The following MAP3K12 variants were observed in gnomAD, a reference collection of about 807,000 sequenced individuals.
MAP3K12 encodes mitogen-activated protein kinase kinase kinase 12.
In MAP3K12, 14 loss-of-function variants were observed where a neutral mutation model predicts 87.5. That is an observed-to-expected ratio of 0.16 (90% CI 0.11 to 0.25). The LOEUF (loss-of-function observed/expected upper bound fraction) is 0.25. Among genes scored for constraint, MAP3K12 ranks in the 10% least tolerant of loss-of-function variants. The pLI, the probability that MAP3K12 is intolerant of heterozygous loss-of-function variation, is 1.00. For synonymous variants in MAP3K12, 469 were observed against 452.5 expected (o/e 1.04, Z -0.46); for missense variants, 802 against 1,140.4 (o/e 0.70, Z 4.27).
At chr12:53,496,655 T>C (rs1454596534) in intron 1 of MAP3K12, among the ~76,000 whole-genome samples, 2 of 152,226 alleles carry the variant, frequency 1.3e-5, no homozygotes, top group Non-Finnish European at 2.9e-5. Context: ...AGTTTCTAGG[T>C]AGGTGGAATT....
chr12:53,500,439 C>T (rs1398570387), upstream of MAP3K12: 1 of 152,320 alleles, frequency 6.6e-6, no homozygotes, highest in Non-Finnish European at 1.5e-5. Flanking sequence ...TCCCACATTA[C>T]AGCCTGATTA....
At chr12:53,500,556 G>A (rs1943661203), upstream of MAP3K12, 1 of 152,496 alleles carries the variant, frequency 6.6e-6, no homozygotes, top group African/African-American at 2.4e-5. Context: ...GGACGACCTA[G>A]GAAAAGGAAG....
intron 1 of MAP3K12, among the ~76,000 whole-genome samples, chr12:53,492,664 TACAG>T (rs1259044786): frequency 6.6e-6 from 1 of 151,912 alleles, no homozygotes; most frequent in African/African-American, 2.4e-5. Flanking sequence ...CAATGCAAAT[TACAG>T]ACAAACACAG....
Position 53,486,716 on chromosome 12 carries a change from G to T in MAP3K12, c.446-94C>A. On this transcript the variant is annotated intron_variant, in intron 2 of 13. Coordinates refer to ENST00000547488, the MANE Select transcript of MAP3K12 (RefSeq NM_001193511.2). This position sits in a 1 kb window ranked among gnomAD's most constrained non-coding sequence, Gnocchi z 4.9. ...ATTGGGTTGGCTGAATTGACTTAAG[G>T]AGGGTGAGGCAGAAAGCCAAAAATA... The T allele has an allele frequency of 1.4e-6, 2 of 1,455,954 alleles. No individual in the cohort carries two copies. Among genetic ancestry groups the T allele is most frequent in the Non-Finnish European group, 1.8e-6 (2 of 1,110,730 alleles). The allele number at this position is 1,455,954 out of a possible 1,614,324, so 90.2% of individuals were successfully genotyped here.
rs542259179 is a variant in MAP3K12, at chr12:53,496,141, A to C, written c.-38+3286T>G. Among the ~76,000 whole-genome samples, 19 of 152,242 alleles carry C rather than the reference A, an allele frequency of 1.2e-4. No homozygotes were observed. In the East Asian group the frequency reaches 3.1e-3, roughly 25 times the overall value. On this transcript the variant is annotated intron_variant, in intron 1 of 13. Transcript: ENST00000547488. ...TTGTCTTCCTGGTTGGCTGGACACC[A>C]GGTCTTTGTGGATCCTGGAGAGGCT...
intron 1 of MAP3K12, among the ~76,000 whole-genome samples, chr12:53,499,004 G>GTGTGTGTGTGTGTGTGTGTGTGTGTGT (rs1943612157): frequency 1.5e-5 from 2 of 129,706 alleles, no homozygotes; most frequent in East Asian, 2.3e-4. Context: ...GTGTGTGTGT[G>GTGTGTGTGTGTGTGTGTGTGTGTGTGT]GAGATGGTGG....
At chr12:53,487,478 C>T in intron 1 of MAP3K12, 50 bp from the exon 2 acceptor site, 1 of 1,517,092 alleles carries the variant, frequency 6.6e-7, no homozygotes, top group Non-Finnish European at 8.8e-7. Context: ...CCCAGGACTG[C>T]CTGCTCAGGA....
intron 13 of MAP3K12, 30 bp downstream of exon 13, chr12:53,481,911 A>G (rs374435050): frequency 6.2e-7 from 1 of 1,602,342 alleles, no homozygotes. Flanking sequence ...TCCCTGTTCA[A>G]TATCTGCTTT....
intron 1 of MAP3K12, among the ~76,000 whole-genome samples, chr12:53,492,260 T>C (rs1678913368): frequency 6.6e-6 from 1 of 152,126 alleles, no homozygotes; most frequent in Admixed American, 6.5e-5. Context: ...ATGGTTCCCA[T>C]TATACTGGAC....
At chr12:53,496,972 A>G (rs142114291) in intron 1 of MAP3K12, among the ~76,000 whole-genome samples, 7 of 152,310 alleles carry the variant, frequency 4.6e-5, no homozygotes, top group Non-Finnish European at 1.0e-4. Flanking sequence ...TCATTGCTAA[A>G]CGGGGACAGT....
At chr12:53,492,646 G>A (rs1264509817) in intron 1 of MAP3K12, among the ~76,000 whole-genome samples, 1 of 152,110 alleles carries the variant, frequency 6.6e-6, no homozygotes, top group African/African-American at 2.4e-5. Flanking sequence ...GAGGTAAGGT[G>A]TAGGTTGCAA....
At position 53,480,869 on chromosome 12, in the gene MAP3K12, G is replaced by A. The variant is rs1292774718; in HGVS notation, c.*313C>T. 1.3e-5 allele frequency: 2 copies of A among 152,098 alleles called. No homozygotes were observed. The highest frequency in any genetic ancestry group is 2.9e-5 in the Non-Finnish European group (2 of 68,226). The allele number at this position is 152,098 out of a possible 1,614,324, so 9.4% of individuals were successfully genotyped here. On this transcript the variant is annotated 3_prime_UTR_variant, in exon 14 of 14. Transcript: ENST00000547488. ...CCCTCCCCCCACCCCCTATTATTTG[G>A]GGATAAAGAATATAAAGACAACCCT...
chr12:53,485,758 A>C, intron 4 of MAP3K12: 1 of 509,918 alleles, frequency 2.0e-6, no homozygotes, highest in East Asian at 3.5e-5. Context: ...AGGTTTCACC[A>C]TGTTGGCCAG....
rs767578940 is a variant in MAP3K12, at chr12:53,485,145, G to A, written c.1050C>T (p.Ala350=). 2 of 1,614,152 alleles carry A rather than the reference G, an allele frequency of 1.2e-6. No homozygotes were observed. The highest frequency in any genetic ancestry group is 1.7e-6 in the Non-Finnish European group (2 of 1,180,028). Residue 350 remains alanine, a synonymous_variant, in exon 6 of 14, where the codon GCC becomes GCT. Transcript: ENST00000547488. ...EIPYKDVDSS[A]IIWGVGSNSL... is the part of the protein sequence containing the mutation. ...TGTTGCTTCCCACACCCCAGATAAT[G>A]GCTGAGGAATCTACGTCTTTGTAGG...
At chr12:53,482,526 GA>G in intron 11 of MAP3K12, 38 bp downstream of exon 11, 1 of 1,591,930 alleles carries the variant, frequency 6.3e-7, no homozygotes, top group Non-Finnish European at 8.5e-7. Context: ...GGAGGATAAG[GA>G]AAAAGGGAAA....
At chr12:53,501,428 G>A (rs749572733), upstream of MAP3K12, 3 of 1,568,280 alleles carry the variant, frequency 1.9e-6, no homozygotes, top group African/African-American at 2.7e-5. Flanking sequence ...GAGGAGCAAG[G>A]CTCCGGCACT....
At chr12:53,499,884 A>G (rs1943645192), upstream of MAP3K12, 1 of 152,128 alleles carries the variant, frequency 6.6e-6, no homozygotes, top group Non-Finnish European at 1.5e-5. Flanking sequence ...ACCCCCTATG[A>G]CCCGTCTTAT....
rs115635603 is a variant in MAP3K12 at position 53,481,235 on chromosome 12, C to T, written c.2626G>A (p.Asp876Asn). Residue 876 changes from aspartate to asparagine, a missense_variant, in exon 14 of 14, where the codon GAC (aspartate) becomes AAC (asparagine). Asp to Asn is a conservative substitution (Grantham distance 23, BLOSUM62 1). Coordinates refer to ENST00000547488, the MANE Select transcript of MAP3K12 (RefSeq NM_001193511.2). ...EDSDCDSTEL[D>N]NSNSVDALRP... Reference sequence around the variant, plus strand: ...AAGGCATCAACGCTGTTGGAGTTGTCCAATTCAGTGCTGTCACAGTCTGAG... The same window carrying T: ...AAGGCATCAACGCTGTTGGAGTTGTTCAATTCAGTGCTGTCACAGTCTGAG... The T allele has an allele frequency of 5.1e-4, 792 of 1,564,834 alleles. No homozygotes were observed. Among genetic ancestry groups the T allele is most frequent in the Non-Finnish European group, 5.3e-4 (616 of 1,155,190 alleles).
At position 53,480,153 on chromosome 12, in the gene MAP3K12, T is replaced by A. The variant is rs1476385268; in HGVS notation, c.*1029A>T. 1 of 152,184 alleles carries A rather than the reference T, an allele frequency of 6.6e-6. No homozygotes were observed. The highest frequency in any genetic ancestry group is 6.5e-5 in the Admixed American group (1 of 15,278). 9.4% of individuals were successfully genotyped at this position (152,184 alleles called of 1,614,324 possible). On this transcript the variant is annotated 3_prime_UTR_variant, in exon 14 of 14. Coordinates refer to ENST00000547488, the MANE Select transcript of MAP3K12 (RefSeq NM_001193511.2). Reference sequence around the variant, plus strand: ...CACATGACATACATGGCATACACATTAAGCAGTTGATCATATGTCTGACTG... The same window carrying A: ...CACATGACATACATGGCATACACATAAAGCAGTTGATCATATGTCTGACTG...
Sources: gnomAD v4.1 joint callset for allele counts (sites outside exome capture counted in the v4.1 genomes callset) on GRCh38, gnomAD v4.1.1 for gene constraint, Gnocchi (gnomAD v3.1) non-coding constraint, MANE v1.5 for transcripts, NCBI Gene and HGNC (gene_info 2026-07-23, HGNC 2026-07-21) for gene names.